The following HAO1 variants were observed in gnomAD, a reference collection of about 807,000 sequenced individuals.
HAO1 encodes 2-Hydroxyacid oxidase 1.
Under a neutral mutation model 39.7 loss-of-function variants are expected in HAO1, and 34 were observed. That is an observed-to-expected ratio of 0.86 (90% CI 0.65 to 1.14). The LOEUF is 1.14. Ranked by LOEUF, HAO1 falls within the 50% of genes most tolerant of loss-of-function variation. HAO1 has a pLI of 0.00. For missense variants in HAO1, 479 were observed against 464.5 expected (o/e 1.03, Z -0.29); for synonymous variants, 172 against 173.2 (o/e 0.99, Z 0.05).
chr20:7,901,816 G>A (rs2050222516), intron 4 of HAO1, among the ~76,000 whole-genome samples: 1 of 152,164 alleles, frequency 6.6e-6, no homozygotes, highest in African/African-American at 2.4e-5. Flanking sequence ...ATGCCATTAA[G>A]AACATTTGTG....
intron 2 of HAO1, among the ~76,000 whole-genome samples, chr20:7,920,178 C>T (rs6140459): frequency 2.0e-4 from 31 of 152,108 alleles, no homozygotes; most frequent in East Asian, 9.7e-4. Context: ...TGAGCTCACA[C>T]GAGATCTGAT....
chr20:7,916,763 G>T (rs1265745091), intron 2 of HAO1, among the ~76,000 whole-genome samples: 1 of 152,188 alleles, frequency 6.6e-6, no homozygotes, highest in Non-Finnish European at 1.5e-5. Context: ...CCGGTCAGTG[G>T]TTAGCTACAG....
intron 3 of HAO1, 136 bp downstream of exon 3, chr20:7,914,028 A>T (rs2050293868): frequency 1.1e-6 from 1 of 880,880 alleles, no homozygotes; most frequent in Admixed American, 2.7e-5. Flanking sequence ...AAAAAAAGTG[A>T]TGTCTACAAA....
chr20:7,917,718 A>G (rs1257587546), intron 2 of HAO1, among the ~76,000 whole-genome samples: 1 of 152,208 alleles, frequency 6.6e-6, no homozygotes, highest in Non-Finnish European at 1.5e-5. Context: ...TAATACAAAG[A>G]CATCATGTAG....
At chr20:7,908,775 C>T (rs963777889) in intron 3 of HAO1, among the ~76,000 whole-genome samples, 4 of 152,120 alleles carry the variant, frequency 2.6e-5, no homozygotes, top group African/African-American at 4.8e-5. Context: ...TTATTTAAAT[C>T]AAACCACTTA....
intron 2 of HAO1, among the ~76,000 whole-genome samples, chr20:7,920,525 T>C (rs755743745): frequency 6.6e-5 from 10 of 152,128 alleles, no homozygotes; most frequent in Non-Finnish European, 1.0e-4. Flanking sequence ...AACCTATTAC[T>C]CCAGTCGCAC....
intron 3 of HAO1, among the ~76,000 whole-genome samples, chr20:7,911,568 T>C (rs576549141): frequency 6.6e-6 from 1 of 152,218 alleles, no homozygotes; most frequent in Admixed American, 6.5e-5. Context: ...CCTTACTCCC[T>C]CTCAGTTTCA....
chr20:7,936,832 C>T (rs1051403174), intron 1 of HAO1, among the ~76,000 whole-genome samples: 1 of 151,994 alleles, frequency 6.6e-6, no homozygotes, highest in Non-Finnish European at 1.5e-5. Context: ...AAAGAGTCCT[C>T]CATGTTTTGA....
chr20:7,886,175 C>A (rs1175632178), intron 5 of HAO1, among the ~76,000 whole-genome samples: 9 of 149,272 alleles, frequency 6.0e-5, no homozygotes, highest in South Asian at 4.2e-4. Context: ...TCTTTCATAA[C>A]TTTTTTGTTT....
chr20:7,933,714 T>G (rs4140559), intron 2 of HAO1, among the ~76,000 whole-genome samples: 24,949 of 152,202 alleles, frequency 0.16, 2,503 homozygotes, highest in South Asian at 0.38. Context: ...AGCATCAAAA[T>G]AATTCATTTC....
At chr20:7,931,941 A>G (rs1173647197) in intron 2 of HAO1, among the ~76,000 whole-genome samples, 4 of 152,152 alleles carry the variant, frequency 2.6e-5, no homozygotes, top group African/African-American at 9.7e-5. Context: ...AAATAAAGCA[A>G]TATGTGTTGG....
rs113210213 is a variant in HAO1 at position 7,915,804 on chromosome 20, T to C, written c.290-1385A>G. Among the ~76,000 whole-genome samples, 1,400 of 152,336 alleles carry C rather than the reference T, an allele frequency of 9.2e-3. 17 individuals carry two copies. The highest frequency in any genetic ancestry group is 0.031 in the African/African-American group (1,308 of 41,580). The stretch of plus-strand genomic sequence containing the variant: ...AGTTTACAAAATGACATGTATTACA[T>C]GATATCAAATTTGTACAATTCTACT... On this transcript the variant is annotated intron_variant, in intron 2 of 7. Coordinates refer to ENST00000378789, the MANE Select transcript of HAO1 (RefSeq NM_017545.3).
chr20:7,930,528 G>C (rs963785549), intron 2 of HAO1, among the ~76,000 whole-genome samples: 13 of 152,160 alleles, frequency 8.5e-5, no homozygotes, highest in African/African-American at 2.9e-4. Flanking sequence ...AGAGATGTGA[G>C]AGCAAGTCAT....
At chr20:7,903,757 A>G (rs2050233537) in intron 4 of HAO1, among the ~76,000 whole-genome samples, 1 of 134,312 alleles carries the variant, frequency 7.4e-6, no homozygotes. Context: ...CATGGTGGTA[A>G]TGGGAGTGGT....
intron 2 of HAO1, among the ~76,000 whole-genome samples, chr20:7,918,402 A>T (rs918903151): frequency 6.6e-6 from 1 of 152,228 alleles, no homozygotes; most frequent in Non-Finnish European, 1.5e-5. Context: ...TCTGAGATGA[A>T]GTTGGTACAT....
intron 4 of HAO1, among the ~76,000 whole-genome samples, chr20:7,905,728 G>A (rs2050244646): frequency 6.6e-6 from 1 of 152,168 alleles, no homozygotes; most frequent in Admixed American, 6.5e-5. Flanking sequence ...ATTTGTACTG[G>A]AGGGAGCACA....
rs757414410 is a variant in HAO1, at chr20:7,885,880, T to G, written c.814-16A>C. On this transcript the variant is annotated splice_polypyrimidine_tract_variant and intron_variant, in intron 5 of 7. Transcript: ENST00000378789. ...GAACATCAATCTGGGGAAAGAAAAG[T>G]TCAATAATGTGACTCTATTAACACT... is the stretch of plus-strand genomic sequence containing the variant. The G allele has an allele frequency of 4.5e-5, 72 of 1,607,438 alleles. No homozygotes were observed. The South Asian group carries it at 6.4e-4, about 14-fold the overall frequency.
chr20:7,893,094 T>C (rs981937500), intron 5 of HAO1, among the ~76,000 whole-genome samples: 2 of 152,296 alleles, frequency 1.3e-5, no homozygotes, highest in East Asian at 3.9e-4. Context: ...AAGGCTCTTC[T>C]ATTGCACACC....
At chr20:7,927,236 T>C (rs186454067) in intron 2 of HAO1, among the ~76,000 whole-genome samples, 1 of 152,302 alleles carries the variant, frequency 6.6e-6, no homozygotes, top group East Asian at 1.9e-4. Flanking sequence ...CTACTTATCC[T>C]GGAAGACTAA....
Sources: allele counts gnomAD v4.1 joint callset (sites outside exome capture counted in the v4.1 genomes callset), GRCh38; gene constraint gnomAD v4.1.1; transcripts MANE v1.5; gene names NCBI Gene and HGNC (gene_info 2026-07-23, HGNC 2026-07-21).